SH3GL2: variants seen among roughly 807,000 people sequenced by gnomAD.
SH3GL2 encodes endophilin-A1.
In SH3GL2, 24 loss-of-function variants were observed where a neutral mutation model predicts 46.0. The observed-to-expected ratio is 0.52, with a 90% CI of 0.38 to 0.73. SH3GL2 has a LOEUF of 0.73. Ranked by LOEUF, SH3GL2 falls within the 30% of genes least tolerant of loss-of-function variation. The pLI, the probability that SH3GL2 is intolerant of heterozygous loss-of-function variation, is 0.00. For synonymous variants in SH3GL2, 196 were observed against 147.1 expected, an observed-to-expected ratio of 1.33 and a Z score of -2.40; for missense variants, 413 against 424.2, an observed-to-expected ratio of 0.97 and a Z score of 0.23.
chr9:17,796,395 T>C lies in SH3GL2; in HGVS notation c.*652T>C, dbSNP rs977780560. On this transcript the variant is annotated 3_prime_UTR_variant, in exon 9 of 9. Coordinates refer to ENST00000380607, the MANE Select transcript of SH3GL2 (RefSeq NM_003026.5). ...TTAAAGCCAGAGCGGTAATTCCAAA[T>C]TATTTTTCAGTAAGACAGTTAATCA... is the stretch of plus-strand genomic sequence containing the variant. The C allele has an allele frequency of 3.3e-5, 5 of 152,442 alleles. No homozygotes were observed. Among genetic ancestry groups the C allele is most frequent in the Non-Finnish European group, 7.3e-5 (5 of 68,042 alleles). 9.4% of individuals were successfully genotyped at this position (152,442 alleles called of 1,614,324 possible). A position where few individuals can be genotyped will look rare whatever the true frequency, so the allele number is the denominator to read the frequency against.
rs1245084335 is a variant in SH3GL2, at chr9:17,652,162, CATT to C, written c.45+72882_45+72884del. ...ATTTAGTTATCAGCTAATTGTAAAT[CATT>C]ATTATTTTCTATTGAAGGCATTTAA... On this transcript the variant is annotated intron_variant, in intron 1 of 8. Coordinates refer to ENST00000380607, the MANE Select transcript of SH3GL2 (RefSeq NM_003026.5). 4.6e-5 allele frequency among the ~76,000 whole-genome samples: 7 copies of C among 152,074 alleles called. No individual in the cohort carries two copies. In the East Asian group the frequency reaches 1.2e-3, roughly 25 times the overall value.
At chr9:17,624,284 A>G (rs1036159682) in intron 1 of SH3GL2, among the ~76,000 whole-genome samples, 3 of 152,148 alleles carry the variant, frequency 2.0e-5, no homozygotes, top group Admixed American at 6.6e-5. Context: ...TCCTGATTAT[A>G]TAATTATTGT....
Position 17,749,774 on chromosome 9 carries a change from A to G in SH3GL2, c.114+2640A>G, listed in dbSNP as rs1822792674. ...ATATGCCAGTTTTGCAAAGTAATTGAAATAAAAGAGAATCCTCCAAGCATT... is the reference window on the plus strand; with the variant it reads ...ATATGCCAGTTTTGCAAAGTAATTGGAATAAAAGAGAATCCTCCAAGCATT... On this transcript the variant is annotated intron_variant, in intron 2 of 8. Coordinates refer to ENST00000380607, the MANE Select transcript of SH3GL2 (RefSeq NM_003026.5). Among the ~76,000 whole-genome samples the G allele has an allele frequency of 2.6e-5, 4 of 152,328 alleles. No individual in the cohort carries two copies. The South Asian group carries it at 8.3e-4, about 32-fold the overall frequency.
At position 17,795,624 on chromosome 9, in the gene SH3GL2, G is replaced by A. The variant is rs375212321; in HGVS notation, c.940G>A (p.Gly314Ser). 2 of 1,613,692 alleles carry A rather than the reference G, an allele frequency of 1.2e-6. No homozygotes were observed. Among genetic ancestry groups the A allele is most frequent in the Admixed American group, 1.7e-5 (1 of 60,004 alleles). The change falls in exon 9 of 9, where the codon GGC (glycine) becomes AGC (serine). Residue 314 changes from glycine to serine, a missense_variant. This residue lies in a region of SH3GL2 where 248 missense variants were observed against 215.0 expected (regional missense o/e 1.15). Transcript: ENST00000380607. ...TGAAGGGGAGTTGGGATTTAAAGAG[G>A]GCGATATCATCACACTCACTAACCA... is the stretch of plus-strand genomic sequence containing the variant. ...ENEGELGFKE[G>S]DIITLTNQID... is the part of the protein sequence containing the mutation.
In SH3GL2 at chr9:17,579,169, G is replaced by T; in HGVS notation, c.-74G>T. On this transcript the variant is annotated 5_prime_UTR_variant, in exon 1 of 9. Coordinates refer to ENST00000380607, the MANE Select transcript of SH3GL2 (RefSeq NM_003026.5). Reference sequence around the variant, plus strand: ...CCAGAGGCGGCCAGGGGAGCGCGCCGCCCCGCTCGGCCCTCCAGTCCCCCT... The same window carrying T: ...CCAGAGGCGGCCAGGGGAGCGCGCCTCCCCGCTCGGCCCTCCAGTCCCCCT... The T allele has an allele frequency of 8.8e-7, 1 of 1,142,576 alleles. No homozygotes were observed. The highest frequency in any genetic ancestry group is 1.5e-5 in the South Asian group (1 of 66,394). 70.8% of individuals were successfully genotyped at this position (1,142,576 alleles called of 1,614,324 possible).
At chr9:17,638,795 A>G (rs943589212) in intron 1 of SH3GL2, among the ~76,000 whole-genome samples, 2 of 151,918 alleles carry the variant, frequency 1.3e-5, no homozygotes, top group Non-Finnish European at 2.9e-5. Context: ...CTTACCACCC[A>G]CCCCTCCTTG....
intron 1 of SH3GL2, among the ~76,000 whole-genome samples, chr9:17,657,675 A>G (rs1391399749): frequency 1.3e-5 from 2 of 152,048 alleles, no homozygotes; most frequent in East Asian, 1.9e-4. Context: ...TATTTGTGGC[A>G]CTCACTCTGT....
intron 2 of SH3GL2, among the ~76,000 whole-genome samples, chr9:17,748,475 A>T (rs1302549997): frequency 2.0e-5 from 3 of 152,180 alleles, no homozygotes; most frequent in African/African-American, 7.2e-5. Context: ...ATCAGATCCA[A>T]CAGGCTGCCT....
At chr9:17,643,222 T>TTTTGCACATTGATTTTGTACCCTGAGAC (rs1322131411) in intron 1 of SH3GL2, among the ~76,000 whole-genome samples, 3 of 152,210 alleles carry the variant, frequency 2.0e-5, no homozygotes, top group African/African-American at 7.2e-5. Context: ...AGCTTGTGAT[T>TTTTGCACATTGATTTTGTACCCTGAGAC]TTTGCACATT....
In SH3GL2 at chr9:17,712,787, G is replaced by A. The variant is rs371511527; in HGVS notation, c.46-34279G>A. On this transcript the variant is annotated intron_variant, in intron 1 of 8. Transcript: ENST00000380607. ...TTCACAGTGTTTTCAAATGGATTTA[G>A]AATCAGTTAATCAATCTGTTGGTCT... 2.8e-4 allele frequency among the ~76,000 whole-genome samples: 42 copies of A among 151,740 alleles called. No individual in the cohort carries two copies. In the East Asian group the frequency reaches 5.4e-3, roughly 20 times the overall value.
chr9:17,767,342 A>T (rs909374764), intron 3 of SH3GL2, among the ~76,000 whole-genome samples: 3 of 152,224 alleles, frequency 2.0e-5, no homozygotes, highest in Non-Finnish European at 4.4e-5. Flanking sequence ...TTAGTTTCAA[A>T]ATGTACCATT....
intron 1 of SH3GL2, among the ~76,000 whole-genome samples, chr9:17,669,550 AACATCTTTT>A (rs1210744015): frequency 6.6e-6 from 1 of 152,150 alleles, no homozygotes; most frequent in Non-Finnish European, 1.5e-5. Context: ...ATTGGCTTAA[AACATCTTTT>A]CTCAGTGCAG....
chr9:17,687,002 A>C, intron 1 of SH3GL2, among the ~76,000 whole-genome samples: 1 of 152,078 alleles, frequency 6.6e-6, no homozygotes, highest in East Asian at 1.9e-4. Flanking sequence ...TGGAATTGCA[A>C]CTGTGAACTA....
chr9:17,720,170 G>A (rs1245425022), intron 1 of SH3GL2, among the ~76,000 whole-genome samples: 3 of 151,956 alleles, frequency 2.0e-5, no homozygotes, highest in African/African-American at 7.3e-5. Flanking sequence ...ATTTAGTACC[G>A]GAGACACGAT....
At chr9:17,762,573 A>G (rs940325394) in intron 3 of SH3GL2, among the ~76,000 whole-genome samples, 1 of 152,120 alleles carries the variant, frequency 6.6e-6, no homozygotes, top group Non-Finnish European at 1.5e-5. Flanking sequence ...TGTAGGAATA[A>G]CTTTCTGGAT....
intron 1 of SH3GL2, among the ~76,000 whole-genome samples, chr9:17,593,603 A>C (rs939143572): frequency 2.6e-5 from 4 of 152,172 alleles, no homozygotes; most frequent in Non-Finnish European, 1.5e-5. Flanking sequence ...CTTCCCATAC[A>C]TAATTTGACT....
intron 1 of SH3GL2, among the ~76,000 whole-genome samples, chr9:17,701,669 C>T (rs191960679): frequency 2.8e-4 from 42 of 152,036 alleles, no homozygotes; most frequent in African/African-American, 9.9e-4. Flanking sequence ...GAACAGCCAC[C>T]AATTAGAAGA....
At chr9:17,756,031 T>C (rs940495514) in intron 2 of SH3GL2, among the ~76,000 whole-genome samples, 1 of 152,132 alleles carries the variant, frequency 6.6e-6, no homozygotes, top group Non-Finnish European at 1.5e-5. Flanking sequence ...CTTTAGGTTT[T>C]TGGGGCCAGA....
At chr9:17,778,357 A>G (rs1014195480) in intron 3 of SH3GL2, among the ~76,000 whole-genome samples, 1 of 152,166 alleles carries the variant, frequency 6.6e-6, no homozygotes, top group Non-Finnish European at 1.5e-5. Flanking sequence ...TGAGACTGAT[A>G]GAGAATAATA....
Sources: gnomAD v4.1 joint callset for allele counts (sites outside exome capture counted in the v4.1 genomes callset) on GRCh38, gnomAD v4.1.1 for gene constraint, gnomAD v4.1.1 regional missense constraint, MANE v1.5 for transcripts, NCBI Gene and HGNC (gene_info 2026-07-23, HGNC 2026-07-21) for gene names.